The following LHCGR variants were observed in gnomAD, a reference collection of about 807,000 sequenced individuals.
LHCGR encodes the protein luteinizing hormone/choriogonadotropin receptor.
In LHCGR, 55 loss-of-function variants were observed where a neutral mutation model predicts 60.7. The observed-to-expected ratio is 0.91, with a 90% CI of 0.73 to 1.13. The LOEUF is 1.13. LHCGR is among the 50% of genes most tolerant of loss of function. The probability of loss-of-function intolerance (pLI) is 0.00; values close to 1 mark genes in which losing one functional copy is unlikely to be tolerated. For synonymous variants in LHCGR, 337 were observed against 316.5 expected (o/e 1.06, Z -0.69); for missense variants, 862 against 836.0 (o/e 1.03, Z -0.38).
intron 1 of LHCGR, among the ~76,000 whole-genome samples, chr2:48,751,228 T>C (rs1333711383): frequency 6.7e-6 from 1 of 149,824 alleles, no homozygotes; most frequent in African/African-American, 2.5e-5. Context: ...ATTGAAAGCT[T>C]ATTAGTCAAT....
chr2:48,752,128 G>A (rs149939145), intron 1 of LHCGR, among the ~76,000 whole-genome samples: 6 of 152,162 alleles, frequency 3.9e-5, no homozygotes, highest in African/African-American at 9.6e-5. Context: ...GTTATATTTT[G>A]TATCACATTT....
chr2:48,750,389 C>T (rs1332661471), intron 1 of LHCGR, among the ~76,000 whole-genome samples: 1 of 152,144 alleles, frequency 6.6e-6, no homozygotes, highest in African/African-American at 2.4e-5. Flanking sequence ...TGAAAACAAT[C>T]TAGATGGAAT....
chr2:48,743,005 G>A (rs1394542613), intron 1 of LHCGR, among the ~76,000 whole-genome samples: 2 of 152,084 alleles, frequency 1.3e-5, no homozygotes, highest in African/African-American at 2.4e-5. Flanking sequence ...AAATGATAAA[G>A]GGGATATCAC....
chr2:48,715,224 C>G (rs1668192686), intron 6 of LHCGR, among the ~76,000 whole-genome samples: 1 of 152,098 alleles, frequency 6.6e-6, no homozygotes, highest in African/African-American at 2.4e-5. Flanking sequence ...TATTGTTTAC[C>G]TCCTCCGTGA....
chr2:48,726,639 A>G (rs1259170597), intron 3 of LHCGR, among the ~76,000 whole-genome samples: 1 of 152,226 alleles, frequency 6.6e-6, no homozygotes, highest in Non-Finnish European at 1.5e-5. Flanking sequence ...AGGAAATAAT[A>G]ATTACCTTGT....
intron 8 of LHCGR, among the ~76,000 whole-genome samples, chr2:48,704,599 C>A (rs184648102): frequency 6.6e-6 from 1 of 152,276 alleles, no homozygotes; most frequent in East Asian, 1.9e-4. Flanking sequence ...GATTTGACTT[C>A]TTCCTGGTTT....
At chr2:48,755,376 G>A in intron 1 of LHCGR, 135 bp downstream of exon 1, 1 of 637,084 alleles carries the variant, frequency 1.6e-6, no homozygotes, top group South Asian at 2.0e-5. Context: ...AAAACGTGGG[G>A]GAAATTTGAT....
chr2:48,748,045 A>T (rs1669790640), intron 1 of LHCGR, among the ~76,000 whole-genome samples: 1 of 152,160 alleles, frequency 6.6e-6, no homozygotes, highest in Non-Finnish European at 1.5e-5. Flanking sequence ...ACTCAGAGGA[A>T]GTTCAAATGA....
At chr2:48,712,467 C>T (rs1371628367) in intron 7 of LHCGR, among the ~76,000 whole-genome samples, 4 of 152,028 alleles carry the variant, frequency 2.6e-5, no homozygotes, top group Non-Finnish European at 4.4e-5. Flanking sequence ...TGTCAGAAAT[C>T]GATTTAATTG....
At chr2:48,748,089 A>G (rs1296496885) in intron 1 of LHCGR, among the ~76,000 whole-genome samples, 2 of 152,184 alleles carry the variant, frequency 1.3e-5, no homozygotes, top group Non-Finnish European at 2.9e-5. Flanking sequence ...TACTCTGGCT[A>G]GAAGAGATGA....
At chr2:48,752,718 A>G (rs1670012029) in intron 1 of LHCGR, among the ~76,000 whole-genome samples, 1 of 151,956 alleles carries the variant, frequency 6.6e-6, no homozygotes, top group Non-Finnish European at 1.5e-5. Context: ...CTCAGGACTC[A>G]AAACTTCTTA....
At chr2:48,692,111 A>G (rs1428789298) in intron 10 of LHCGR, among the ~76,000 whole-genome samples, 1 of 152,116 alleles carries the variant, frequency 6.6e-6, no homozygotes, top group Admixed American at 6.6e-5. Flanking sequence ...CCCTGGCTTT[A>G]CCCCAAACCC....
At chr2:48,755,389 G>C in intron 1 of LHCGR, 122 bp downstream of exon 1, 1 of 676,876 alleles carries the variant, frequency 1.5e-6, no homozygotes, top group Non-Finnish European at 2.5e-6. Flanking sequence ...AATTTGATAG[G>C]GCAAAGCGTT....
intron 1 of LHCGR, among the ~76,000 whole-genome samples, chr2:48,746,523 T>G (rs1285873433): frequency 2.0e-5 from 3 of 152,218 alleles, no homozygotes; most frequent in Non-Finnish European, 4.4e-5. Context: ...AGTTGAAACT[T>G]TCCCATTGGA....
intron 8 of LHCGR, among the ~76,000 whole-genome samples, chr2:48,703,499 G>A (rs573199957): frequency 2.0e-5 from 3 of 152,188 alleles, no homozygotes; most frequent in African/African-American, 4.8e-5. Flanking sequence ...TATGGCTAGC[G>A]AGTTTTCCTG....
Position 48,739,781 on chromosome 2 carries a change from G to A in LHCGR, c.162-8483C>T, listed in dbSNP as rs187100256. On this transcript the variant is annotated intron_variant, in intron 1 of 10. Coordinates refer to ENST00000294954, the MANE Select transcript of LHCGR (RefSeq NM_000233.4). The stretch of plus-strand genomic sequence containing the variant: ...TACATATGTAACAAACCTGCATGTT[G>A]TGTACATGTACCCTAAAACTTAAAG... 3.2e-3 allele frequency among the ~76,000 whole-genome samples: 484 copies of A among 152,176 alleles called. 1 individual carries two copies. The highest frequency in any genetic ancestry group is 0.014 in the Middle Eastern group (4 of 294).
At chr2:48,752,236 G>A (rs1253651791) in intron 1 of LHCGR, among the ~76,000 whole-genome samples, 3 of 152,302 alleles carry the variant, frequency 2.0e-5, no homozygotes, top group East Asian at 3.9e-4. Flanking sequence ...GCTTGTCAGT[G>A]ATAAGCAGCT....
chr2:48,742,481 T>A (rs1669503065), intron 1 of LHCGR, among the ~76,000 whole-genome samples: 1 of 151,568 alleles, frequency 6.6e-6, no homozygotes, highest in East Asian at 1.9e-4. Context: ...ACAGAAATTA[T>A]AACAAACTAT....
At chr2:48,735,448 C>T (rs1669169480) in intron 1 of LHCGR, among the ~76,000 whole-genome samples, 1 of 152,236 alleles carries the variant, frequency 6.6e-6, no homozygotes, top group Admixed American at 6.5e-5. Flanking sequence ...TCCCCAGAAT[C>T]CATCTAGGAG....
Sources: gnomAD v4.1 joint callset for allele counts (sites outside exome capture counted in the v4.1 genomes callset) on GRCh38, gnomAD v4.1.1 for gene constraint, MANE v1.5 for transcripts, NCBI Gene and HGNC (gene_info 2026-07-23, HGNC 2026-07-21) for gene names.